PEMT: variants seen among roughly 807,000 people sequenced by gnomAD.
The protein encoded by PEMT is phospholipid methyltransferase.
Under a neutral mutation model 27.4 loss-of-function variants are expected in PEMT, and 23 were observed. The ratio of observed to expected loss-of-function variants is 0.84; its 90% CI spans 0.60 to 1.19. PEMT has a LOEUF of 1.19. Among genes scored for constraint, PEMT ranks in the 50% most tolerant of loss-of-function variants. The pLI, the probability that PEMT is intolerant of heterozygous loss-of-function variation, is 0.00. For synonymous variants in PEMT, 137 were observed against 139.1 expected, an observed-to-expected ratio of 0.98 and a Z score of 0.11; for missense variants, 307 against 310.1, an observed-to-expected ratio of 0.99 and a Z score of 0.07.
At chr17:17,541,552 G>A (rs1332292605) in intron 2 of PEMT, among the ~76,000 whole-genome samples, 1 of 152,260 alleles carries the variant, frequency 6.6e-6, no homozygotes, top group Non-Finnish European at 1.5e-5. Context: ...CCTGGGCCCA[G>A]CTCCAGCGAG....
chr17:17,580,577 T>A (rs1265342382), intron 1 of PEMT, among the ~76,000 whole-genome samples: 1 of 152,150 alleles, frequency 6.6e-6, no homozygotes, highest in African/African-American at 2.4e-5. Flanking sequence ...GGAAGAGTCG[T>A]GGCTTTGGTC....
chr17:17,566,573 A>G (rs552821703), intron 2 of PEMT, among the ~76,000 whole-genome samples: 1 of 152,350 alleles, frequency 6.6e-6, no homozygotes, highest in South Asian at 2.1e-4. Context: ...GGGCCCAGCC[A>G]TGTCTGCACA....
intron 2 of PEMT, among the ~76,000 whole-genome samples, chr17:17,526,667 C>T (rs1305747709): frequency 2.0e-5 from 3 of 152,220 alleles, no homozygotes; most frequent in African/African-American, 2.4e-5. Flanking sequence ...GTGGCAGCTC[C>T]GGCCTCTGTC....
intron 2 of PEMT, among the ~76,000 whole-genome samples, chr17:17,569,115 A>G (rs1911021641): frequency 6.6e-6 from 1 of 152,216 alleles, no homozygotes; most frequent in African/African-American, 2.4e-5. Context: ...CCAGGGAAAG[A>G]GACTCTCAGG....
chr17:17,581,766 C>T (rs1010618605), intron 1 of PEMT, among the ~76,000 whole-genome samples: 1 of 152,140 alleles, frequency 6.6e-6, no homozygotes, highest in Non-Finnish European at 1.5e-5. Flanking sequence ...GTGGTGGTGT[C>T]CATCCGGTCA....
At chr17:17,588,512 A>C (rs772364593) in intron 1 of PEMT, among the ~76,000 whole-genome samples, 1 of 151,990 alleles carries the variant, frequency 6.6e-6, no homozygotes, top group Non-Finnish European at 1.5e-5. Flanking sequence ...ATACTTCATA[A>C]AGCTTTACAC....
chr17:17,575,621 G>A (rs73300558), intron 2 of PEMT, among the ~76,000 whole-genome samples: 5,591 of 152,300 alleles, frequency 0.037, 259 homozygotes, highest in African/African-American at 0.11. Flanking sequence ...AGCTGGGGAC[G>A]GTGTGGCTGA....
chr17:17,516,544 C>T (rs1906850959), intron 3 of PEMT, among the ~76,000 whole-genome samples: 1 of 152,152 alleles, frequency 6.6e-6, no homozygotes, highest in African/African-American at 2.4e-5. Flanking sequence ...TAGGCTCAAG[C>T]CTCACGGGCA....
At chr17:17,590,301 C>T (rs1438510628) in intron 1 of PEMT, among the ~76,000 whole-genome samples, 1 of 152,246 alleles carries the variant, frequency 6.6e-6, no homozygotes, top group African/African-American at 2.4e-5. Context: ...TGCGCTCCCT[C>T]AGGGCCAGCG....
chr17:17,545,576 C>A (rs1257320141), intron 2 of PEMT, among the ~76,000 whole-genome samples: 1 of 152,220 alleles, frequency 6.6e-6, no homozygotes, highest in Non-Finnish European at 1.5e-5. Flanking sequence ...GGCTTCAACT[C>A]CTACACCAGA....
At chr17:17,529,465 C>T (rs557275538) in intron 2 of PEMT, among the ~76,000 whole-genome samples, 1 of 152,354 alleles carries the variant, frequency 6.6e-6, no homozygotes, top group East Asian at 1.9e-4. Context: ...AACAGATCAA[C>T]AGACCTGCCC....
upstream of PEMT, chr17:17,591,714 C>A: frequency 6.7e-7 from 1 of 1,501,968 alleles, no homozygotes; most frequent in Middle Eastern, 2.0e-4. Context: ...TAAGTGCCGC[C>A]AGTCGGGGCG....
intron 2 of PEMT, among the ~76,000 whole-genome samples, chr17:17,572,878 C>T (rs1597953094): frequency 1.3e-5 from 2 of 152,214 alleles, no homozygotes; most frequent in African/African-American, 2.4e-5. Flanking sequence ...GCCAGCCCTC[C>T]GCAGCAACTG....
At chr17:17,520,601 A>G (rs979321004) in intron 3 of PEMT, among the ~76,000 whole-genome samples, 4 of 152,220 alleles carry the variant, frequency 2.6e-5, no homozygotes, top group African/African-American at 9.6e-5. Flanking sequence ...GTGCAGACGC[A>G]CAGGCCCCGA....
intron 2 of PEMT, among the ~76,000 whole-genome samples, chr17:17,554,431 C>T (rs375777317): frequency 2.8e-4 from 43 of 152,188 alleles, no homozygotes; most frequent in African/African-American, 8.7e-4. Flanking sequence ...AGTACAGGAA[C>T]GTGTTCGGAA....
chr17:17,537,033 G>C (rs1202727338), intron 2 of PEMT, among the ~76,000 whole-genome samples: 2 of 152,236 alleles, frequency 1.3e-5, no homozygotes, highest in Non-Finnish European at 2.9e-5. Context: ...GCACGGGAGG[G>C]ACAGGGTGTC....
intron 1 of PEMT, among the ~76,000 whole-genome samples, chr17:17,586,222 AAGAAAGAAAGAAAGAAAG>A (rs1912257318): frequency 3.5e-5 from 2 of 57,334 alleles, no homozygotes; most frequent in Non-Finnish European, 6.8e-5. Flanking sequence ...AAGAAAAAGA[AAGAAAGAAAGAAAGAAAG>A]AAAGAAAGAA....
At chr17:17,589,238 A>G (rs1912474984) in intron 1 of PEMT, among the ~76,000 whole-genome samples, 1 of 150,838 alleles carries the variant, frequency 6.6e-6, no homozygotes, top group Non-Finnish European at 1.5e-5. Flanking sequence ...CTGGGATTAC[A>G]GGCGTGAGCC....
At chr17:17,579,028 G>A (rs1321474060) in intron 1 of PEMT, among the ~76,000 whole-genome samples, 1 of 152,152 alleles carries the variant, frequency 6.6e-6, no homozygotes, top group African/African-American at 2.4e-5. Flanking sequence ...TTGTTCTATT[G>A]CATTTGGAAA....
Sources: allele counts gnomAD v4.1 joint callset (sites outside exome capture counted in the v4.1 genomes callset), GRCh38; gene constraint gnomAD v4.1.1; transcripts MANE v1.5; gene names NCBI Gene and HGNC (gene_info 2026-07-23, HGNC 2026-07-21).